Variants in RC3H1 observed in about 807,000 individuals in gnomAD.
RC3H1 encodes the protein roquin-1.
In RC3H1, 50 loss-of-function variants were observed where a neutral mutation model predicts 138.2. That is an observed-to-expected ratio of 0.36 (90% CI 0.29 to 0.46). The LOEUF (loss-of-function observed/expected upper bound fraction) is 0.46, where lower values mean the gene tolerates loss of function less well. RC3H1 is among the 20% of genes least tolerant of loss of function. RC3H1 has a pLI of 1.00. For missense variants in RC3H1, 1,031 were observed against 1,388.1 expected, an observed-to-expected ratio of 0.74 and a Z score of 4.09; for synonymous variants, 462 against 489.1, an observed-to-expected ratio of 0.94 and a Z score of 0.73.
At position 173,938,810 on chromosome 1, in the gene RC3H1, T is replaced by G; in HGVS notation, c.3313A>C (p.Ser1105Arg). 6.2e-7 allele frequency: 1 copy of G among 1,613,692 alleles called. No homozygotes were observed. The highest frequency in any genetic ancestry group is 8.5e-7 in the Non-Finnish European group (1 of 1,179,642). The change falls in exon 20 of 20, where the codon AGC (serine) becomes CGC (arginine). Residue 1105 changes from serine (S) to arginine (R), a missense_variant. Coordinates refer to ENST00000367696, the MANE Select transcript of RC3H1 (RefSeq NM_172071.4). ...GGGTCCTCTGACAGGTTCAGAGAGC[T>G]GGTCTTGTTTGATAGGAGGCTGATA... ...ENISLLSNKT[S>R]SLNLSEDPEG...
At chr1:173,962,152 G>GT in intron 11 of RC3H1, 57 bp from the exon 12 acceptor site, 8 of 1,480,692 alleles carry the variant, frequency 5.4e-6, no homozygotes, top group Non-Finnish European at 7.3e-6. Context: ...AGTTTTCTAT[G>GT]TAAGATTTTA....
intron 1 of RC3H1, among the ~76,000 whole-genome samples, chr1:174,019,389 G>T: frequency 6.6e-6 from 1 of 152,150 alleles, no homozygotes; most frequent in Middle Eastern, 3.2e-3. Context: ...AATCTAATTT[G>T]TGTCACAAGA....
At chr1:173,997,509 C>G (rs188604784) in intron 1 of RC3H1, among the ~76,000 whole-genome samples, 1 of 152,150 alleles carries the variant, frequency 6.6e-6, no homozygotes, top group Admixed American at 6.5e-5. Flanking sequence ...GTAACTTATC[C>G]CTTCAAAGAA....
chr1:173,994,589 A>T (rs889588440), intron 1 of RC3H1, among the ~76,000 whole-genome samples: 43 of 152,138 alleles, frequency 2.8e-4, no homozygotes, highest in African/African-American at 1.0e-3. Context: ...GCTTGAGCCC[A>T]GGAGTTTGAG....
At chr1:173,975,153 T>C (rs148434363) in intron 7 of RC3H1, among the ~76,000 whole-genome samples, 3 of 152,274 alleles carry the variant, frequency 2.0e-5, no homozygotes, top group African/African-American at 7.2e-5. Context: ...TGGAGTGCAG[T>C]GGCATGATCT....
chr1:174,021,737 T>C (rs1308398152), intron 1 of RC3H1, among the ~76,000 whole-genome samples: 3 of 152,032 alleles, frequency 2.0e-5, no homozygotes, highest in African/African-American at 7.2e-5. Flanking sequence ...CAAAAAGCAG[T>C]TCCCGTGCGC....
At chr1:173,996,215 T>C (rs1661456860) in intron 1 of RC3H1, among the ~76,000 whole-genome samples, 1 of 151,992 alleles carries the variant, frequency 6.6e-6, no homozygotes, top group African/African-American at 2.4e-5. Context: ...AATCACGCCG[T>C]TGCACTCTAG....
chr1:173,954,542 A>G (rs1366371007), intron 13 of RC3H1, among the ~76,000 whole-genome samples: 3 of 152,244 alleles, frequency 2.0e-5, no homozygotes, highest in Non-Finnish European at 2.9e-5. Context: ...AATTTACTAT[A>G]TATTTTCTAA....
intron 17 of RC3H1, among the ~76,000 whole-genome samples, chr1:173,944,176 AAAAAAAAAAAAAAAAAGGAAATGGAAG>A (rs1278200455): frequency 7.5e-6 from 1 of 133,306 alleles, no homozygotes; most frequent in Non-Finnish European, 1.5e-5. Context: ...TTGTCTCTCA[AAAAAAAAAAAAAAAAAGGAAATGGAAG>A]AAAAACAAGT....
intron 1 of RC3H1, among the ~76,000 whole-genome samples, chr1:174,014,427 T>C (rs1260944528): frequency 6.6e-6 from 1 of 152,170 alleles, no homozygotes; most frequent in Non-Finnish European, 1.5e-5. Context: ...GTGGCCAGTA[T>C]TGAACAGCAT....
intron 2 of RC3H1, among the ~76,000 whole-genome samples, chr1:173,987,595 T>C (rs1236497535): frequency 6.6e-6 from 1 of 152,204 alleles, no homozygotes; most frequent in Non-Finnish European, 1.5e-5. Context: ...TCCAAGGAAC[T>C]CTGGTTCCTT....
Position 173,972,574 on chromosome 1 carries a change from T to C in RC3H1, c.1156A>G (p.Thr386Ala). 1 of 1,614,090 alleles carries C rather than the reference T, an allele frequency of 6.2e-7. No homozygotes were observed. Among genetic ancestry groups the C allele is most frequent in the Non-Finnish European group, 8.5e-7 (1 of 1,179,958 alleles). The change falls in exon 8 of 20, where the codon ACA becomes GCA. Residue 386 changes from threonine to alanine, a missense_variant. Physicochemically the swap from Thr to Ala is moderately conservative, Grantham distance 58. Around this residue, in one of 7 missense-constraint regions of RC3H1, gnomAD observed 142 missense variants for 224.6 expected, o/e 0.63. Coordinates refer to ENST00000367696, the MANE Select transcript of RC3H1 (RefSeq NM_172071.4). ...TAATCAACCAGCCCATGTACCACTGTACGCACAGCAACCAGCCCATTTTCC... is the reference window on the plus strand; with the variant it reads ...TAATCAACCAGCCCATGTACCACTGCACGCACAGCAACCAGCCCATTTTCC... ...QLENGLVAVR[T>A]VVHGLVDYIQ...
Position 173,964,160 on chromosome 1 carries a change from A to G in RC3H1, c.1644T>C (p.Ser548=), listed in dbSNP as rs2102940607. ...DLLESVPKSI[S]ALPVNPHSIP... ...TAGAATGTGGATTCACAGGTAAGGCAGAAATACTCTTAGGAACAGATTCTA... is the reference window on the plus strand; with the variant it reads ...TAGAATGTGGATTCACAGGTAAGGCGGAAATACTCTTAGGAACAGATTCTA... The change falls in exon 11 of 20, where the codon TCT becomes TCC. Residue 548 remains serine (S), a synonymous_variant. Coordinates refer to ENST00000367696, the MANE Select transcript of RC3H1 (RefSeq NM_172071.4). The G allele has an allele frequency of 6.2e-7, 1 of 1,613,994 alleles. No individual in the cohort carries two copies.
At chr1:173,966,323 A>C (rs1660115320) in intron 9 of RC3H1, among the ~76,000 whole-genome samples, 2 of 152,220 alleles carry the variant, frequency 1.3e-5, no homozygotes, top group Non-Finnish European at 2.9e-5. Flanking sequence ...TCTGAAATCT[A>C]ACCAAAGGAA....
chr1:173,958,330 G>T (rs1018222180), intron 13 of RC3H1, among the ~76,000 whole-genome samples: 1 of 152,128 alleles, frequency 6.6e-6, no homozygotes, highest in African/African-American at 2.4e-5. Context: ...ATCATTTGAG[G>T]TCAGGAGTTT....
rs1661553666 is a variant in RC3H1 at position 174,000,906 on chromosome 1, C to T, written c.-150-7771G>A. 2.0e-5 allele frequency among the ~76,000 whole-genome samples: 3 copies of T among 152,166 alleles called. 1 individual carries two copies. In the South Asian group the frequency reaches 6.2e-4, roughly 31 times the overall value. On this transcript the variant is annotated intron_variant, in intron 1 of 19. Transcript: ENST00000367696. ...CTCAAGGTTTTTCCAGCAATAATAT[C>T]TTGTGAACAAAGACCCAGTTTTGAT...
At chr1:174,017,909 T>G (rs1175884124) in intron 1 of RC3H1, among the ~76,000 whole-genome samples, 1 of 143,640 alleles carries the variant, frequency 7.0e-6, no homozygotes, top group Non-Finnish European at 1.5e-5. Context: ...TAATAATCAG[T>G]GAAGGTATAC....
intron 13 of RC3H1, 171 bp downstream of exon 13, chr1:173,960,906 T>C (rs1157058200): frequency 2.7e-5 from 17 of 621,832 alleles, no homozygotes; most frequent in Non-Finnish European, 1.1e-5. Flanking sequence ...TGCATTACAT[T>C]ACATACATAC....
chr1:174,012,817 G>T (rs1468302914), intron 1 of RC3H1, among the ~76,000 whole-genome samples: 3 of 149,608 alleles, frequency 2.0e-5, no homozygotes, highest in African/African-American at 4.9e-5. Context: ...AGAAAAGAAA[G>T]AACTAGAATA....
Sources: gnomAD v4.1 joint callset for allele counts (sites outside exome capture counted in the v4.1 genomes callset) on GRCh38, gnomAD v4.1.1 for gene constraint, gnomAD v4.1.1 regional missense constraint, MANE v1.5 for transcripts, NCBI Gene and HGNC (gene_info 2026-07-23, HGNC 2026-07-21) for gene names.